RAB2A: variants seen among roughly 807,000 people sequenced by gnomAD.
The protein encoded by RAB2A is RAB2A, member RAS oncogene family, also known as ras-related protein Rab-2A.
A neutral mutation model predicts 32.5 loss-of-function variants in RAB2A; 7 were observed. The ratio of observed to expected loss-of-function variants is 0.22; its 90% CI spans 0.12 to 0.40. RAB2A has a LOEUF of 0.40. Among genes scored for constraint, RAB2A ranks in the 10% least tolerant of loss-of-function variants. The pLI is 1.00. For synonymous variants in RAB2A, 79 were observed against 85.2 expected (o/e 0.93, Z 0.40); for missense variants, 108 against 260.7 (o/e 0.41, Z 4.03).
chr8:60,598,412 C>G (rs1418080918), intron 6 of RAB2A, among the ~76,000 whole-genome samples: 7 of 152,106 alleles, frequency 4.6e-5, no homozygotes, highest in Non-Finnish European at 1.5e-5. Context: ...TGATTTTACT[C>G]TGACACTAAA....
intron 1 of RAB2A, among the ~76,000 whole-genome samples, chr8:60,553,900 G>A (rs940294310): frequency 6.6e-6 from 1 of 152,192 alleles, no homozygotes; most frequent in Non-Finnish European, 1.5e-5. Flanking sequence ...GCTTTGAGTT[G>A]TCTTAAAGCA....
intron 6 of RAB2A, among the ~76,000 whole-genome samples, chr8:60,594,365 A>G (rs546274737): frequency 4.5e-4 from 69 of 152,334 alleles, no homozygotes; most frequent in Non-Finnish European, 9.4e-4. Flanking sequence ...AGAAAAAAAA[A>G]TCTTGAAAGC....
Position 60,605,193 on chromosome 8 carries a change from G to T in RAB2A, c.474+13224G>T, listed in dbSNP as rs377412079. The stretch of plus-strand genomic sequence containing the variant: ...CTGTTTCAGAGGGTGCTAGCCACAA[G>T]CCTTGGTAGCTTCCATGTGGTGGTA... On this transcript the variant is annotated intron_variant, in intron 6 of 7. Transcript: ENST00000262646. Among the ~76,000 whole-genome samples the T allele has an allele frequency of 2.6e-5, 4 of 152,326 alleles. No individual in the cohort carries two copies. In the East Asian group the frequency reaches 7.7e-4, roughly 29 times the overall value.
chr8:60,593,248 C>G (rs994068419), intron 6 of RAB2A, among the ~76,000 whole-genome samples: 3 of 152,136 alleles, frequency 2.0e-5, no homozygotes, highest in African/African-American at 7.2e-5. Context: ...TTACATAAGC[C>G]TAGATGGCAT....
rs962715925 is a variant in RAB2A at position 60,622,209 on chromosome 8, G to A, written c.*1440G>A. 1 of 152,152 alleles carries A rather than the reference G, an allele frequency of 6.6e-6. No homozygotes were observed. The highest frequency in any genetic ancestry group is 1.9e-4 in the East Asian group (1 of 5,200). 9.4% of individuals were successfully genotyped at this position (152,152 alleles called of 1,614,324 possible). A position where few individuals can be genotyped will look rare whatever the true frequency, so the allele number is the denominator to read the frequency against. On this transcript the variant is annotated 3_prime_UTR_variant, in exon 8 of 8. Coordinates refer to ENST00000262646, the MANE Select transcript of RAB2A (RefSeq NM_002865.3). ...GCAGTGTAAGCAAGTGTTTTCTCCT[G>A]AACTAGCACAAAAGCACTTATGCCT...
chr8:60,605,348 C>T (rs945901579), intron 6 of RAB2A, among the ~76,000 whole-genome samples: 1 of 152,214 alleles, frequency 6.6e-6, no homozygotes, highest in Non-Finnish European at 1.5e-5. Flanking sequence ...CAGAGCACCT[C>T]TTCTAGGGCA....
intron 3 of RAB2A, among the ~76,000 whole-genome samples, chr8:60,573,251 A>T: frequency 6.6e-6 from 1 of 152,244 alleles, no homozygotes; most frequent in East Asian, 1.9e-4. Context: ...CATATTCTCT[A>T]AACCAGCAAA....
At chr8:60,598,270 A>G (rs1448750788) in intron 6 of RAB2A, among the ~76,000 whole-genome samples, 1 of 152,198 alleles carries the variant, frequency 6.6e-6, no homozygotes, top group African/African-American at 2.4e-5. Context: ...AAACTCCCCA[A>G]AAACGAAACC....
At chr8:60,597,786 C>G (rs1364853104) in intron 6 of RAB2A, among the ~76,000 whole-genome samples, 1 of 152,134 alleles carries the variant, frequency 6.6e-6, no homozygotes, top group East Asian at 1.9e-4. Flanking sequence ...GTAAAATTGG[C>G]AGACCTCTAG....
intron 1 of RAB2A, among the ~76,000 whole-genome samples, chr8:60,538,685 G>A (rs1378944253): frequency 1.3e-5 from 2 of 152,142 alleles, no homozygotes; most frequent in African/African-American, 4.8e-5. Flanking sequence ...GTGTGTGTGT[G>A]GCCTGAGAAC....
Position 60,623,490 on chromosome 8 carries a change from T to C in RAB2A, c.*2721T>C, listed in dbSNP as rs565742296. On this transcript the variant is annotated 3_prime_UTR_variant, in exon 8 of 8. Coordinates refer to ENST00000262646, the MANE Select transcript of RAB2A (RefSeq NM_002865.3). ...GGGTTTGACTATATGAGCTAAAAGA[T>C]ACACAAAGAGATAACGCTGTTTCAT... 2 of 152,286 alleles carry C rather than the reference T, an allele frequency of 1.3e-5. No homozygotes were observed. Among genetic ancestry groups the C allele is most frequent in the East Asian group, 3.9e-4 (2 of 5,184 alleles). 9.4% of individuals were successfully genotyped at this position (152,286 alleles called of 1,614,324 possible).
chr8:60,600,092 CA>C (rs1804107349), intron 6 of RAB2A, among the ~76,000 whole-genome samples: 1 of 147,278 alleles, frequency 6.8e-6, no homozygotes, highest in African/African-American at 2.5e-5. Flanking sequence ...AATGCAATTA[CA>C]AAATGGGCAA....
At position 60,580,256 on chromosome 8, in the gene RAB2A, A is replaced by G. The variant is rs188692803; in HGVS notation, c.187-3952A>G. On this transcript the variant is annotated intron_variant, in intron 3 of 7. Transcript: ENST00000262646. ...GTGATCTGCCTGTCTCGGCCTCCCA[A>G]AGTGCTGAGATTACAGGCGTGAGCC... 1.4e-3 allele frequency among the ~76,000 whole-genome samples: 216 copies of G among 152,218 alleles called. 1 individual carries two copies. Among genetic ancestry groups the G allele is most frequent in the African/African-American group, 5.0e-3 (208 of 41,528 alleles).
intron 6 of RAB2A, among the ~76,000 whole-genome samples, chr8:60,598,937 CAAAA>C (rs56406651): frequency 1.5e-3 from 59 of 40,366 alleles, no homozygotes; most frequent in East Asian, 2.5e-3. Flanking sequence ...TGCAGTAAAG[CAAAA>C]AAAAAAAAAA....
In RAB2A at chr8:60,566,229, C is replaced by T. The variant is rs1586086452; in HGVS notation, c.119-5817C>T. On this transcript the variant is annotated intron_variant, in intron 2 of 7. Transcript: ENST00000262646. ...AAAGCTGTTCTAATTTGCACTTTCCCCACTGATGTATCAAAGTGCGCATTC... is the reference window on the plus strand; with the variant it reads ...AAAGCTGTTCTAATTTGCACTTTCCTCACTGATGTATCAAAGTGCGCATTC... Among the ~76,000 whole-genome samples, 3 of 152,296 alleles carry T rather than the reference C, an allele frequency of 2.0e-5. No individual in the cohort carries two copies. The South Asian group carries it at 6.2e-4, about 32-fold the overall frequency.
At chr8:60,578,020 C>T (rs1473683411) in intron 3 of RAB2A, among the ~76,000 whole-genome samples, 1 of 152,124 alleles carries the variant, frequency 6.6e-6, no homozygotes, top group African/African-American at 2.4e-5. Context: ...GTTTATTTGG[C>T]TGTTTAGAAA....
chr8:60,526,018 T>C (rs10087872), intron 1 of RAB2A, among the ~76,000 whole-genome samples: 9,766 of 55,780 alleles, frequency 0.18, 544 homozygotes, highest in South Asian at 0.3. Context: ...TGTGTGTGTG[T>C]ACATATATAT....
chr8:60,563,039 C>G (rs1309694325), intron 2 of RAB2A, among the ~76,000 whole-genome samples: 5 of 151,904 alleles, frequency 3.3e-5, no homozygotes, highest in African/African-American at 1.2e-4. Flanking sequence ...AGATTATTAT[C>G]ACATATTTTT....
chr8:60,528,334 A>G (rs993112822), intron 1 of RAB2A, among the ~76,000 whole-genome samples: 28 of 152,254 alleles, frequency 1.8e-4, no homozygotes, highest in African/African-American at 5.8e-4. Context: ...CAGTGACTTG[A>G]ATAACAAATG....
Sources: allele counts gnomAD v4.1 joint callset (sites outside exome capture counted in the v4.1 genomes callset), GRCh38; gene constraint gnomAD v4.1.1; transcripts MANE v1.5; gene names NCBI Gene and HGNC (gene_info 2026-07-23, HGNC 2026-07-21).